The following EPHA3 variants were observed in gnomAD, a reference collection of about 807,000 sequenced individuals.
EPHA3 encodes the protein EPH receptor A3.
EPHA3 carries 42 observed loss-of-function variants against 107.1 expected under a neutral mutation model. That is an observed-to-expected ratio of 0.39 (90% confidence interval 0.31 to 0.51). EPHA3 has a LOEUF of 0.51. Among genes scored for constraint, EPHA3 ranks in the 20% least tolerant of loss-of-function variants. The pLI, the probability that EPHA3 is intolerant of heterozygous loss-of-function variation, is 0.78. For missense variants in EPHA3, 1,183 were observed against 1,211.2 expected (o/e 0.98, Z 0.35); for synonymous variants, 461 against 424.8 (o/e 1.09, Z -1.05).
intron 2 of EPHA3, among the ~76,000 whole-genome samples, chr3:89,197,858 C>T (rs1204282913): frequency 6.6e-6 from 1 of 151,980 alleles, no homozygotes; most frequent in Non-Finnish European, 1.5e-5. Flanking sequence ...GTGCCTTAGT[C>T]CCAGCTACTG....
At chr3:89,319,357 A>C (rs1310691152) in intron 3 of EPHA3, among the ~76,000 whole-genome samples, 4 of 152,078 alleles carry the variant, frequency 2.6e-5, no homozygotes, top group Middle Eastern at 3.4e-3. Flanking sequence ...TATTTGTGTC[A>C]ATGAATAATA....
chr3:89,365,933 G>C (rs923306898), intron 5 of EPHA3, among the ~76,000 whole-genome samples: 5 of 150,630 alleles, frequency 3.3e-5, no homozygotes, highest in African/African-American at 1.2e-4. Flanking sequence ...GGGATGGGAT[G>C]GTTTAGCAGA....
rs1340934237 is a variant in EPHA3, at chr3:89,342,032, A to G, written c.1248A>G (p.Ser416=). ...AGATTGATGCCGTTAATGGGGTGTC[A>G]GAGCTGAGCTCCCCACCAAGACAGT... ...TFEIDAVNGV[S]ELSSPPRQFA... The change falls in exon 5 of 17, where the codon TCA becomes TCG. Residue 416 remains serine, a synonymous_variant. Transcript: ENST00000336596. The G allele has an allele frequency of 1.2e-5, 20 of 1,612,322 alleles. No homozygotes were observed. Among genetic ancestry groups the G allele is most frequent in the Non-Finnish European group, 1.7e-5 (20 of 1,179,660 alleles).
intron 2 of EPHA3, among the ~76,000 whole-genome samples, chr3:89,161,930 T>C (rs1245400841): frequency 6.6e-6 from 1 of 151,730 alleles, no homozygotes; most frequent in Non-Finnish European, 1.5e-5. Context: ...TGAGCCATGA[T>C]TGCACCACTG....
At chr3:89,228,071 A>G (rs1236724164) in intron 3 of EPHA3, among the ~76,000 whole-genome samples, 1 of 151,976 alleles carries the variant, frequency 6.6e-6, no homozygotes, top group African/African-American at 2.4e-5. Flanking sequence ...TGCAGAGTAG[A>G]TCTGCTGTAA....
intron 3 of EPHA3, among the ~76,000 whole-genome samples, chr3:89,254,533 TA>T (rs1481928614): frequency 6.6e-6 from 1 of 152,130 alleles, no homozygotes; most frequent in South Asian, 2.1e-4. Flanking sequence ...TTGATAACAT[TA>T]AAAAATCCAA....
intron 13 of EPHA3, among the ~76,000 whole-genome samples, chr3:89,443,357 C>T (rs1477429056): frequency 6.6e-6 from 1 of 152,130 alleles, no homozygotes; most frequent in Non-Finnish European, 1.5e-5. Flanking sequence ...AGTTGATGCT[C>T]AGTGAATCTT....
chr3:89,179,380 TA>T (rs969999824), intron 2 of EPHA3, among the ~76,000 whole-genome samples: 1 of 152,110 alleles, frequency 6.6e-6, no homozygotes, highest in Non-Finnish European at 1.5e-5. Context: ...GGAACTTTTA[TA>T]ATTAGTTACC....
At chr3:89,256,541 C>A (rs1359615293) in intron 3 of EPHA3, among the ~76,000 whole-genome samples, 1 of 150,990 alleles carries the variant, frequency 6.6e-6, no homozygotes, top group African/African-American at 2.4e-5. Context: ...TCCAGCCTGG[C>A]GACAGAGTGA....
intron 2 of EPHA3, among the ~76,000 whole-genome samples, chr3:89,174,732 A>C (rs1312146635): frequency 6.6e-6 from 1 of 152,026 alleles, no homozygotes; most frequent in Admixed American, 6.6e-5. Flanking sequence ...TTAAATTATG[A>C]AATATATATT....
At chr3:89,193,799 T>G (rs1705775112) in intron 2 of EPHA3, among the ~76,000 whole-genome samples, 1 of 151,996 alleles carries the variant, frequency 6.6e-6, no homozygotes, top group African/African-American at 2.4e-5. Context: ...TACACACTAT[T>G]TAGCTTTTTA....
At chr3:89,231,857 A>G (rs1422301175) in intron 3 of EPHA3, among the ~76,000 whole-genome samples, 1 of 152,214 alleles carries the variant, frequency 6.6e-6, no homozygotes, top group African/African-American at 2.4e-5. Context: ...GTATATTTGT[A>G]TGCTTCAGTT....
chr3:89,178,404 T>C (rs1196265945), intron 2 of EPHA3, among the ~76,000 whole-genome samples: 1 of 152,086 alleles, frequency 6.6e-6, no homozygotes, highest in Non-Finnish European at 1.5e-5. Context: ...TAATTACACA[T>C]ACATTATTGT....
chr3:89,236,850 G>C (rs1370898145), intron 3 of EPHA3, among the ~76,000 whole-genome samples: 2 of 152,048 alleles, frequency 1.3e-5, no homozygotes, highest in Non-Finnish European at 2.9e-5. Context: ...ACGTGACTTA[G>C]AATATCAATA....
intron 3 of EPHA3, among the ~76,000 whole-genome samples, chr3:89,304,620 A>G (rs1706567886): frequency 6.6e-6 from 1 of 152,106 alleles, no homozygotes; most frequent in Non-Finnish European, 1.5e-5. Flanking sequence ...ATCAGTGGTG[A>G]GCTGACTTTT....
intron 3 of EPHA3, among the ~76,000 whole-genome samples, chr3:89,296,628 T>C (rs1304265236): frequency 6.6e-6 from 1 of 152,160 alleles, no homozygotes; most frequent in African/African-American, 2.4e-5. Flanking sequence ...CCTTGGATTT[T>C]CAGAATGGCA....
chr3:89,116,964 T>G (rs569362258), intron 1 of EPHA3, among the ~76,000 whole-genome samples: 1 of 152,072 alleles, frequency 6.6e-6, no homozygotes, highest in Non-Finnish European at 1.5e-5. Context: ...CAGAACTCTC[T>G]CAAATCAAGG....
intron 1 of EPHA3, 76 bp from the exon 2 acceptor site, chr3:89,127,133 C>A (rs1704112358): frequency 4.5e-6 from 5 of 1,102,550 alleles, no homozygotes; most frequent in South Asian, 2.6e-5. Context: ...CAACAACAGA[C>A]AATGTGAACT....
At chr3:89,229,620 G>T (rs901530758) in intron 3 of EPHA3, among the ~76,000 whole-genome samples, 2 of 151,094 alleles carry the variant, frequency 1.3e-5, no homozygotes, top group Non-Finnish European at 3.0e-5. Context: ...CAATTTGCAG[G>T]CTTAAAGCAT....
Sources: gnomAD v4.1 joint callset for allele counts (sites outside exome capture counted in the v4.1 genomes callset) on GRCh38, gnomAD v4.1.1 for gene constraint, MANE v1.5 for transcripts, NCBI Gene and HGNC (gene_info 2026-07-23, HGNC 2026-07-21) for gene names.